Variants in MCTP1 observed in about 807,000 individuals in gnomAD.
MCTP1 encodes the protein multiple C2 and transmembrane domain-containing protein 1.
Under a neutral mutation model 120.6 loss-of-function variants are expected in MCTP1, and 69 were observed. The observed-to-expected ratio is 0.57, with a 90% CI of 0.47 to 0.70. MCTP1 has a LOEUF of 0.70. Ranked by LOEUF, MCTP1 falls within the 30% of genes least tolerant of loss-of-function variation. The probability of loss-of-function intolerance (pLI) is 0.00; values close to 1 mark genes in which losing one functional copy is unlikely to be tolerated. For missense variants in MCTP1, 1,203 were observed against 1,248.8 expected (o/e 0.96, Z 0.55); for synonymous variants, 529 against 493.1 (o/e 1.07, Z -0.96).
intron 1 of MCTP1, among the ~76,000 whole-genome samples, chr5:95,074,839 TA>T (rs1176015368): frequency 2.0e-5 from 3 of 152,216 alleles, no homozygotes; most frequent in African/African-American, 7.2e-5. Context: ...ATTAACATTT[TA>T]ATAAGCAGGA....
intron 1 of MCTP1, among the ~76,000 whole-genome samples, chr5:95,084,734 G>A (rs1374412243): frequency 6.6e-6 from 1 of 152,062 alleles, no homozygotes; most frequent in Admixed American, 6.6e-5. Flanking sequence ...TCTGAATTGG[G>A]CATAACAATT....
chr5:95,120,421 TC>T lies in MCTP1; in HGVS notation c.721-102938del, dbSNP rs1332820033. 5.9e-5 allele frequency among the ~76,000 whole-genome samples: 9 copies of T among 151,928 alleles called. No individual in the cohort carries two copies. In the South Asian group the frequency reaches 1.9e-3, roughly 32 times the overall value. On this transcript the variant is annotated intron_variant, in intron 1 of 22. Coordinates refer to ENST00000515393, the MANE Select transcript of MCTP1 (RefSeq NM_024717.7). ...GGCCAATATCACTTATGAATATTGA[TC>T]CAAAAATTCTCAACAAAATACCAGC...
rs756397464 is a variant in MCTP1, at chr5:95,158,466, T to G, written c.720+125390A>C. 2.0e-5 allele frequency among the ~76,000 whole-genome samples: 3 copies of G among 152,298 alleles called. No individual in the cohort carries two copies. In the East Asian group the frequency reaches 5.8e-4, roughly 29 times the overall value. ...GGCTTTTTAAATTACAGGATATGTA[T>G]AGCAATAAATAGTAAATCTGGTACT... On this transcript the variant is annotated intron_variant, in intron 1 of 22. Transcript: ENST00000515393.
intron 1 of MCTP1, among the ~76,000 whole-genome samples, chr5:95,163,692 T>G (rs1746001644): frequency 6.6e-6 from 1 of 152,184 alleles, no homozygotes; most frequent in Non-Finnish European, 1.5e-5. Context: ...AGCAATTAAA[T>G]GTAGGTATTG....
intron 1 of MCTP1, among the ~76,000 whole-genome samples, chr5:95,175,529 A>C (rs1747861472): frequency 6.6e-6 from 1 of 152,204 alleles, no homozygotes; most frequent in Admixed American, 6.5e-5. Context: ...AAGGAATTAA[A>C]AGAATATCCA....
intron 1 of MCTP1, among the ~76,000 whole-genome samples, chr5:95,203,825 C>T (rs910996434): frequency 1.4e-4 from 22 of 152,208 alleles, no homozygotes; most frequent in Non-Finnish European, 2.6e-4. Context: ...TAACATGCCT[C>T]TTAATGCAAA....
intron 10 of MCTP1, among the ~76,000 whole-genome samples, chr5:94,901,744 C>T (rs1331985054): frequency 6.6e-6 from 1 of 152,116 alleles, no homozygotes; most frequent in Non-Finnish European, 1.5e-5. Flanking sequence ...CCGTTTTTCT[C>T]CCCTGCCTTT....
chr5:95,100,804 A>G (rs1309236427), intron 1 of MCTP1, among the ~76,000 whole-genome samples: 4 of 152,250 alleles, frequency 2.6e-5, no homozygotes, highest in Admixed American at 6.5e-5. Flanking sequence ...AGTAGGGGTG[A>G]AAGCAAAACA....
chr5:95,153,300 A>T (rs1744747871), intron 1 of MCTP1, among the ~76,000 whole-genome samples: 1 of 152,166 alleles, frequency 6.6e-6, no homozygotes, highest in Admixed American at 6.5e-5. Flanking sequence ...CCATGATTGT[A>T]AGTTTCCTGA....
intron 1 of MCTP1, among the ~76,000 whole-genome samples, chr5:95,171,240 C>T (rs1305267098): frequency 1.3e-5 from 2 of 152,078 alleles, no homozygotes; most frequent in African/African-American, 4.8e-5. Flanking sequence ...ATATTGGCCC[C>T]CACTCTCTTC....
At chr5:95,029,030 G>A (rs1296147136) in intron 1 of MCTP1, among the ~76,000 whole-genome samples, 11 of 151,984 alleles carry the variant, frequency 7.2e-5, no homozygotes, top group South Asian at 2.1e-4. Flanking sequence ...GTGGTGGTGC[G>A]TGCCTGTAAT....
At chr5:95,257,796 T>TACACACACACACACACACAC (rs369408591) in intron 1 of MCTP1, among the ~76,000 whole-genome samples, 1,504 of 125,378 alleles carry the variant, frequency 0.012, 15 homozygotes, top group Non-Finnish European at 0.014. Context: ...CCAGAAAACA[T>TACACACACACACACACACAC]ACACACACAC....
Position 94,954,169 on chromosome 5 carries a change from C to CAT in MCTP1, c.839-810_839-809dup, listed in dbSNP as rs1217312769. Among the ~76,000 whole-genome samples, 11 of 80,042 alleles carry CAT rather than the reference C, an allele frequency of 1.4e-4. 1 individual carries two copies. The highest frequency in any genetic ancestry group is 3.4e-4 in the African/African-American group (6 of 17,486). 52.5% of individuals were successfully genotyped at this position (80,042 alleles called of 152,430 possible). ...ATACATATATATATGCATATATATA[C>CAT]ATATATATATATGCATATATATATA... On this transcript the variant is annotated intron_variant, in intron 2 of 22. Transcript: ENST00000515393.
At chr5:95,203,866 T>A (rs1751337569) in intron 1 of MCTP1, among the ~76,000 whole-genome samples, 1 of 152,230 alleles carries the variant, frequency 6.6e-6, no homozygotes, top group African/African-American at 2.4e-5. Flanking sequence ...ATAACTCACA[T>A]TCTCTTCCTA....
At chr5:95,232,457 A>AT (rs535038549) in intron 1 of MCTP1, among the ~76,000 whole-genome samples, 2,642 of 137,874 alleles carry the variant, frequency 0.019, 63 homozygotes, top group African/African-American at 0.051. Context: ...ATGAAATTTA[A>AT]TTTTTTTTTT....
intron 18 of MCTP1, among the ~76,000 whole-genome samples, chr5:94,783,146 A>C (rs1188086994): frequency 6.6e-6 from 1 of 152,124 alleles, no homozygotes; most frequent in Admixed American, 6.6e-5. Context: ...CTTGAATGTA[A>C]TACTAATAAA....
At chr5:95,044,918 C>T (rs1213421534) in intron 1 of MCTP1, among the ~76,000 whole-genome samples, 1 of 152,082 alleles carries the variant, frequency 6.6e-6, no homozygotes, top group Non-Finnish European at 1.5e-5. Context: ...AATTCAGTCT[C>T]CCACAAGCAG....
intron 1 of MCTP1, among the ~76,000 whole-genome samples, chr5:95,168,248 G>C (rs1746703424): frequency 6.6e-6 from 1 of 152,104 alleles, no homozygotes; most frequent in Non-Finnish European, 1.5e-5. Flanking sequence ...CTGTTCCATT[G>C]GTTTATTTCT....
At chr5:95,079,375 C>CCAAAACTA (rs1336629043) in intron 1 of MCTP1, among the ~76,000 whole-genome samples, 1 of 152,130 alleles carries the variant, frequency 6.6e-6, no homozygotes, top group Non-Finnish European at 1.5e-5. Flanking sequence ...ATTGTCACCT[C>CCAAAACTA]CAAAACTAGA....
Sources: gnomAD v4.1 joint callset for allele counts (sites outside exome capture counted in the v4.1 genomes callset) on GRCh38, gnomAD v4.1.1 for gene constraint, MANE v1.5 for transcripts, NCBI Gene and HGNC (gene_info 2026-07-23, HGNC 2026-07-21) for gene names.